The following KCNQ3 variants were observed in gnomAD, a reference collection of about 807,000 sequenced individuals.
The protein encoded by KCNQ3 is potassium voltage-gated channel subfamily Q member 3.
Under a neutral mutation model 92.5 loss-of-function variants are expected in KCNQ3, and 30 were observed. The ratio of observed to expected loss-of-function variants is 0.32; its 90% CI spans 0.24 to 0.44. The LOEUF (loss-of-function observed/expected upper bound fraction) is 0.44, where lower values mean the gene tolerates loss of function less well. Ranked by LOEUF, KCNQ3 falls within the 20% of genes least tolerant of loss-of-function variation. KCNQ3 has a pLI of 1.00. For missense variants in KCNQ3, 913 were observed against 1,140.3 expected (o/e 0.80, Z 2.87); for synonymous variants, 450 against 468.8 (o/e 0.96, Z 0.52).
chr8:132,392,882 C>T (rs1457375933), intron 1 of KCNQ3, among the ~76,000 whole-genome samples: 2 of 150,328 alleles, frequency 1.3e-5, no homozygotes, highest in South Asian at 2.1e-4. Context: ...GTCCACAGCA[C>T]TTTTCATCTT....
At chr8:132,471,575 C>G (rs1454347262) in intron 1 of KCNQ3, among the ~76,000 whole-genome samples, 2 of 152,116 alleles carry the variant, frequency 1.3e-5, no homozygotes. Flanking sequence ...CACAACAATG[C>G]AGAATAATGA....
At chr8:132,402,998 C>G (rs1820379687) in intron 1 of KCNQ3, among the ~76,000 whole-genome samples, 1 of 70,556 alleles carries the variant, frequency 1.4e-5, no homozygotes, top group Non-Finnish European at 2.4e-5. Context: ...AGCCTGGCAA[C>G]AGGGCGAGGC....
At chr8:132,161,691 G>T (rs1825995448) in intron 9 of KCNQ3, among the ~76,000 whole-genome samples, 1 of 151,956 alleles carries the variant, frequency 6.6e-6, no homozygotes, top group Non-Finnish European at 1.5e-5. Context: ...ATGAATAAAG[G>T]AAGGTTGGAA....
Position 132,445,466 on chromosome 8 carries a change from C to T in KCNQ3, c.386+34681G>A, listed in dbSNP as rs528698957. 3.3e-4 allele frequency among the ~76,000 whole-genome samples: 48 copies of T among 146,226 alleles called. No individual in the cohort carries two copies. The South Asian group carries it at 0.011, about 35-fold the overall frequency. On this transcript the variant is annotated intron_variant, in intron 1 of 14. Coordinates refer to ENST00000388996, the MANE Select transcript of KCNQ3 (RefSeq NM_004519.4). Reference sequence around the variant, plus strand: ...TTCCCCCATGCACCTGCCCCATCCCCAACATAAATATTTTTAAGGGAAATC... The same window carrying T: ...TTCCCCCATGCACCTGCCCCATCCCTAACATAAATATTTTTAAGGGAAATC...
At chr8:132,336,552 A>G (rs1048166813) in intron 1 of KCNQ3, among the ~76,000 whole-genome samples, 1 of 152,230 alleles carries the variant, frequency 6.6e-6, no homozygotes, top group East Asian at 1.9e-4. Context: ...CATAAGATGA[A>G]TAACGGGGAT....
intron 1 of KCNQ3, chr8:132,447,378 G>A (rs2130845945): frequency 1.3e-6 from 1 of 797,790 alleles, no homozygotes; most frequent in Non-Finnish European, 2.1e-6. Context: ...GGACACAGAT[G>A]TGGAGAAGAC....
At chr8:132,383,840 G>A (rs143942420) in intron 1 of KCNQ3, among the ~76,000 whole-genome samples, 74 of 152,280 alleles carry the variant, frequency 4.9e-4, no homozygotes, top group Non-Finnish European at 9.1e-4. Flanking sequence ...ACCAAACTGT[G>A]CCTCTACAAC....
rs140347491 is a variant in KCNQ3 at position 132,266,550 on chromosome 8, G to C, written c.387-80369C>G. Reference sequence around the variant, plus strand: ...TGCCTTGCATAGGTGTGGCCAAAGGGATGAGAGGGAATGTGCTCTGTTTGG... The same window carrying C: ...TGCCTTGCATAGGTGTGGCCAAAGGCATGAGAGGGAATGTGCTCTGTTTGG... On this transcript the variant is annotated intron_variant, in intron 1 of 14. Coordinates refer to ENST00000388996, the MANE Select transcript of KCNQ3 (RefSeq NM_004519.4). Among the ~76,000 whole-genome samples, 36 of 152,274 alleles carry C rather than the reference G, an allele frequency of 2.4e-4. No individual in the cohort carries two copies. In the East Asian group the frequency reaches 6.0e-3, roughly 25 times the overall value.
intron 1 of KCNQ3, among the ~76,000 whole-genome samples, chr8:132,242,855 A>C (rs541102829): frequency 5.1e-4 from 78 of 152,324 alleles, no homozygotes; most frequent in African/African-American, 1.9e-3. Context: ...AATCCTGTGG[A>C]GTAGACTTCA....
intron 1 of KCNQ3, among the ~76,000 whole-genome samples, chr8:132,266,912 G>A (rs117722846): frequency 0.014 from 2,064 of 152,202 alleles, 15 homozygotes; most frequent in Non-Finnish European, 0.02. Flanking sequence ...CTCCCACTGA[G>A]TTTCATATCT....
Position 132,129,160 on chromosome 8 carries a change from A to T in KCNQ3, c.*102T>A, listed in dbSNP as rs1824766603. ...GCCACCACGCACACGCATGCATTTGATGCAGCCATTGGTGTCCCCGCTGGT... is the reference window on the plus strand; with the variant it reads ...GCCACCACGCACACGCATGCATTTGTTGCAGCCATTGGTGTCCCCGCTGGT... On this transcript the variant is annotated 3_prime_UTR_variant, in exon 15 of 15. Transcript: ENST00000388996. This position sits in a 1 kb window ranked among gnomAD's most constrained non-coding sequence, Gnocchi z 5.9. 1.4e-6 allele frequency: 2 copies of T among 1,413,690 alleles called. No homozygotes were observed. The highest frequency in any genetic ancestry group is 3.5e-5 in the Admixed American group (2 of 57,216). The allele number at this position is 1,413,690 out of a possible 1,614,324, so 87.6% of individuals were successfully genotyped here.
chr8:132,200,205 C>G (rs1827416547), intron 1 of KCNQ3, among the ~76,000 whole-genome samples: 1 of 152,118 alleles, frequency 6.6e-6, no homozygotes, highest in South Asian at 2.1e-4. Flanking sequence ...ATCTATAAAT[C>G]CACAAAGGTA....
At chr8:132,403,103 T>A (rs999625496) in intron 1 of KCNQ3, among the ~76,000 whole-genome samples, 1 of 150,592 alleles carries the variant, frequency 6.6e-6, no homozygotes, top group African/African-American at 2.5e-5. Flanking sequence ...TAAGGGAAAT[T>A]GTTTGTGGAG....
intron 9 of KCNQ3, among the ~76,000 whole-genome samples, chr8:132,144,039 A>G (rs1825379254): frequency 6.6e-6 from 1 of 152,206 alleles, no homozygotes; most frequent in Non-Finnish European, 1.5e-5. Context: ...TAATTGTTGA[A>G]TATAAGGAAG....
At chr8:132,133,772 CT>C in intron 13 of KCNQ3, among the ~76,000 whole-genome samples, 1 of 152,214 alleles carries the variant, frequency 6.6e-6, no homozygotes, top group Non-Finnish European at 1.5e-5. Context: ...AGGCAGTGGA[CT>C]TTCTAAAGAA....
At position 132,147,401 on chromosome 8, in the gene KCNQ3, A is replaced by C. The variant is rs371492476; in HGVS notation, c.1263-6070T>G. On this transcript the variant is annotated intron_variant, in intron 9 of 14. Transcript: ENST00000388996. ...TCGAACAAGCAAGTGTGGAGAAAAA[A>C]TCAAAAGTGGAGTTTGGGACATGTT... Among the ~76,000 whole-genome samples the C allele has an allele frequency of 2.6e-5, 4 of 152,308 alleles. No individual in the cohort carries two copies. In the East Asian group the frequency reaches 7.7e-4, roughly 29 times the overall value.
In KCNQ3 at chr8:132,405,205, C is replaced by G. The variant is rs146061131; in HGVS notation, c.386+74942G>C. 2.5e-4 allele frequency among the ~76,000 whole-genome samples: 38 copies of G among 152,310 alleles called. No individual in the cohort carries two copies. In the East Asian group the frequency reaches 7.3e-3, roughly 29 times the overall value. Reference sequence around the variant, plus strand: ...AGCAGCCAGAGAGGAGAGATTGGCTCCTCTTGACGATGCATGAGAATGCCT... The same window carrying G: ...AGCAGCCAGAGAGGAGAGATTGGCTGCTCTTGACGATGCATGAGAATGCCT... On this transcript the variant is annotated intron_variant, in intron 1 of 14. Transcript: ENST00000388996.
At chr8:132,471,650 G>A (rs1822300246) in intron 1 of KCNQ3, among the ~76,000 whole-genome samples, 1 of 152,096 alleles carries the variant, frequency 6.6e-6, no homozygotes, top group Admixed American at 6.6e-5. Flanking sequence ...TCAAAAGTAA[G>A]ATCTGAAACT....
rs575359408 is a variant in KCNQ3 at position 132,232,048 on chromosome 8, T to A, written c.387-45867A>T. Among the ~76,000 whole-genome samples, 97 of 152,286 alleles carry A rather than the reference T, an allele frequency of 6.4e-4. 1 individual carries two copies. Among genetic ancestry groups the A allele is most frequent in the Admixed American group, 2.0e-3 (30 of 15,286 alleles). ...AGTTAACGGAGCATCAGAAACTAAG[T>A]AATTGGTCACCCACCAAGGAAATGG... is the stretch of plus-strand genomic sequence containing the variant. On this transcript the variant is annotated intron_variant, in intron 1 of 14. Coordinates refer to ENST00000388996, the MANE Select transcript of KCNQ3 (RefSeq NM_004519.4).
Sources: allele counts gnomAD v4.1 joint callset (sites outside exome capture counted in the v4.1 genomes callset), GRCh38; gene constraint gnomAD v4.1.1; non-coding constraint Gnocchi (gnomAD v3.1); transcripts MANE v1.5; gene names NCBI Gene and HGNC (gene_info 2026-07-23, HGNC 2026-07-21).